PCDHGA3: variants seen among roughly 807,000 people sequenced by gnomAD.
PCDHGA3 encodes the protein protocadherin gamma subfamily A, 3.
PCDHGA3 carries 40 observed loss-of-function variants against 58.5 expected under a neutral mutation model. That is an observed-to-expected ratio of 0.68 (90% CI 0.53 to 0.89). The LOEUF is 0.89. Ranked by LOEUF, PCDHGA3 falls within the 40% of genes least tolerant of loss-of-function variation. The pLI is 0.00. For missense variants in PCDHGA3, 1,223 were observed against 1,195.9 expected (o/e 1.02, Z -0.33); for synonymous variants, 530 against 525.7 (o/e 1.01, Z -0.11).
At chr5:141,439,996 G>C (rs1156373511) in intron 1 of PCDHGA3, 1 of 153,262 alleles carries the variant, frequency 6.5e-6, no homozygotes, top group African/African-American at 2.4e-5. Flanking sequence ...GTTTGGTGGT[G>C]GGAAACCTTG....
chr5:141,385,037 C>T, intron 1 of PCDHGA3: 1 of 1,614,148 alleles, frequency 6.2e-7, no homozygotes, highest in Non-Finnish European at 8.5e-7. Context: ...GTACTGCTGG[C>T]GCTCAGGCTG....
Position 141,349,867 on chromosome 5 carries a change from T to C in PCDHGA3, c.2424+3410T>C, listed in dbSNP as rs149865031. On this transcript the variant is annotated intron_variant, in intron 1 of 3. Coordinates refer to ENST00000253812, the MANE Select transcript of PCDHGA3 (RefSeq NM_018916.4). ...TTTTAAATGAAAAAAGAATACGAAA[T>C]GATGAAGGCCCTTATCTGATGATGA... 4.0e-3 allele frequency among the ~76,000 whole-genome samples: 616 copies of C among 152,136 alleles called. 6 individuals are homozygous for C. Among genetic ancestry groups the C allele is most frequent in the Admixed American group, 0.011 (174 of 15,278 alleles).
At chr5:141,389,359 G>C (rs768908018) in intron 1 of PCDHGA3, 99 of 1,613,770 alleles carry the variant, frequency 6.1e-5, no homozygotes, top group Non-Finnish European at 8.2e-5. Context: ...ATCATGGCCA[G>C]TGACCTGGAG....
chr5:141,472,486 G>A (rs1300618918), intron 1 of PCDHGA3, among the ~76,000 whole-genome samples: 1 of 152,050 alleles, frequency 6.6e-6, no homozygotes, highest in Non-Finnish European at 1.5e-5. Flanking sequence ...CTTGCAGTGA[G>A]ACGAGATCGT....
At chr5:141,390,424 T>C (rs1175804708) in intron 1 of PCDHGA3, 23 of 1,041,938 alleles carry the variant, frequency 2.2e-5, no homozygotes, top group Non-Finnish European at 3.0e-5. Flanking sequence ...GTTAAAAAGC[T>C]GTCATATCAT....
At chr5:141,462,035 C>T (rs35674654) in intron 1 of PCDHGA3, among the ~76,000 whole-genome samples, 14,886 of 152,176 alleles carry the variant, frequency 0.098, 964 homozygotes, top group Non-Finnish European at 0.14. Context: ...GTTGGTCAGG[C>T]GGGTCTTGAA....
intron 1 of PCDHGA3, chr5:141,350,526 G>A: frequency 6.2e-7 from 1 of 1,614,020 alleles, no homozygotes; most frequent in Non-Finnish European, 8.5e-7. Context: ...AGGATAGATC[G>A]AGAGAAGATT....
At chr5:141,406,083 T>C (rs539696065) in intron 1 of PCDHGA3, among the ~76,000 whole-genome samples, 2 of 151,900 alleles carry the variant, frequency 1.3e-5, no homozygotes, top group South Asian at 4.2e-4. Flanking sequence ...TTTTTTTTTT[T>C]TTTTAAGAGA....
At chr5:141,468,877 T>C (rs1321110515) in intron 1 of PCDHGA3, among the ~76,000 whole-genome samples, 2 of 149,546 alleles carry the variant, frequency 1.3e-5, no homozygotes, top group African/African-American at 4.9e-5. Context: ...AAAATAATAA[T>C]AATAATAATA....
intron 1 of PCDHGA3, chr5:141,360,857 T>G: frequency 6.2e-7 from 1 of 1,613,894 alleles, no homozygotes; most frequent in Non-Finnish European, 8.5e-7. Flanking sequence ...AACCCTCCAG[T>G]GTTCAGCCAG....
chr5:141,391,875 T>C (rs2092433581), intron 1 of PCDHGA3: 2 of 152,212 alleles, frequency 1.3e-5, no homozygotes, highest in Non-Finnish European at 2.9e-5. Context: ...ATCATCTCTT[T>C]GGTGAAAGGG....
At chr5:141,348,731 G>A (rs1289932029) in intron 1 of PCDHGA3, among the ~76,000 whole-genome samples, 3 of 152,156 alleles carry the variant, frequency 2.0e-5, no homozygotes, top group East Asian at 3.8e-4. Flanking sequence ...GGGAGGAGAA[G>A]TTCATAGTAA....
At chr5:141,484,061 G>A (rs570687480) in intron 1 of PCDHGA3, among the ~76,000 whole-genome samples, 8 of 152,124 alleles carry the variant, frequency 5.3e-5, no homozygotes, top group Non-Finnish European at 1.0e-4. Context: ...CTGGGGCTAA[G>A]TGAAAAGCTT....
At chr5:141,433,691 G>A (rs2097644575) in intron 1 of PCDHGA3, among the ~76,000 whole-genome samples, 1 of 152,044 alleles carries the variant, frequency 6.6e-6, no homozygotes, top group Non-Finnish European at 1.5e-5. Flanking sequence ...TACAAAATTA[G>A]CCGGGCGTGG....
rs532502013 is a variant in PCDHGA3 at position 141,404,723 on chromosome 5, G to A, written c.2424+58266G>A. 3.1e-6 allele frequency: 5 copies of A among 1,614,094 alleles called. No individual in the cohort carries two copies. Among genetic ancestry groups the A allele is most frequent in the Middle Eastern group, 1.6e-4 (1 of 6,062 alleles). On this transcript the variant is annotated intron_variant, in intron 1 of 3. Coordinates refer to ENST00000253812, the MANE Select transcript of PCDHGA3 (RefSeq NM_018916.4). ...AGAGCCTGGCTACCTGGTGACCAAG[G>A]TGGTGGCAGTGGACAGAGACTCAGG...
At chr5:141,495,974 CTCTT>C (rs1562171251) in intron 2 of PCDHGA3, among the ~76,000 whole-genome samples, 2 of 152,032 alleles carry the variant, frequency 1.3e-5, no homozygotes, top group Non-Finnish European at 1.5e-5. Context: ...TTCTCTGTTA[CTCTT>C]TCTTTATCTC....
intron 1 of PCDHGA3, chr5:141,399,412 T>A: frequency 6.2e-7 from 1 of 1,613,948 alleles, no homozygotes; most frequent in Non-Finnish European, 8.5e-7. Flanking sequence ...GCCGCCCCTC[T>A]CCTCCAGCAT....
At chr5:141,416,033 C>T (rs770398549) in intron 1 of PCDHGA3, 22 of 202,600 alleles carry the variant, frequency 1.1e-4, no homozygotes, top group Non-Finnish European at 1.9e-4. Flanking sequence ...AAAGAAATCA[C>T]CTCTGGAAAC....
chr5:141,344,176 T>A lies in PCDHGA3; in HGVS notation c.143T>A (p.Ile48Asn), dbSNP rs751095809. The change falls in exon 1 of 4, where the codon ATC (isoleucine) becomes AAC (asparagine). Residue 48 changes from isoleucine (I) to asparagine (N), a missense_variant. By Grantham distance (149) the Ile-to-Asn change is moderately radical. Coordinates refer to ENST00000253812, the MANE Select transcript of PCDHGA3 (RefSeq NM_018916.4). ...GATAAAGGTTCCTTCGTGGGCAACATCGCTAACGACCTGGGGCTAGAGCCC... is the reference window on the plus strand; with the variant it reads ...GATAAAGGTTCCTTCGTGGGCAACAACGCTAACGACCTGGGGCTAGAGCCC... Reference protein sequence around the residue: ...ELDKGSFVGNIANDLGLEPRE... With the variant: ...ELDKGSFVGNNANDLGLEPRE... The A allele has an allele frequency of 6.2e-7, 1 of 1,613,978 alleles. No homozygotes were observed. Among genetic ancestry groups the A allele is most frequent in the Non-Finnish European group, 8.5e-7 (1 of 1,179,894 alleles).
Sources: allele counts gnomAD v4.1 joint callset (sites outside exome capture counted in the v4.1 genomes callset), GRCh38; gene constraint gnomAD v4.1.1; transcripts MANE v1.5; gene names NCBI Gene and HGNC (gene_info 2026-07-23, HGNC 2026-07-21).